The following LRRTM4 variants were observed in gnomAD, a reference collection of about 807,000 sequenced individuals.
The protein encoded by LRRTM4 is leucine-rich repeat transmembrane neuronal protein 4.
A neutral mutation model predicts 47.6 loss-of-function variants in LRRTM4; 25 were observed. The ratio of observed to expected loss-of-function variants is 0.53; its 90% confidence interval spans 0.38 to 0.73. The LOEUF (loss-of-function observed/expected upper bound fraction) is 0.73, where lower values mean the gene tolerates loss of function less well. LRRTM4 is among the 30% of genes least tolerant of loss of function. LRRTM4 has a pLI of 0.00. For missense variants in LRRTM4, 638 were observed against 713.4 expected, an observed-to-expected ratio of 0.89 and a Z score of 1.20; for synonymous variants, 311 against 269.5, an observed-to-expected ratio of 1.15 and a Z score of -1.51.
intron 3 of LRRTM4, among the ~76,000 whole-genome samples, chr2:77,411,446 T>C (rs542770313): frequency 2.8e-4 from 39 of 139,182 alleles, no homozygotes; most frequent in African/African-American, 4.6e-4. Flanking sequence ...CTCTCTCTCT[T>C]TCTTCTTTTT....
chr2:77,438,704 C>T (rs553470419), intron 3 of LRRTM4, among the ~76,000 whole-genome samples: 14 of 152,012 alleles, frequency 9.2e-5, no homozygotes, highest in African/African-American at 2.9e-4. Flanking sequence ...ACGTGCCCGG[C>T]GGATAATGAT....
chr2:77,244,821 A>T (rs1321149776), intron 3 of LRRTM4, among the ~76,000 whole-genome samples: 1 of 152,200 alleles, frequency 6.6e-6, no homozygotes, highest in Non-Finnish European at 1.5e-5. Flanking sequence ...CCACAGGCAG[A>T]GAACTAAGGG....
At chr2:76,780,046 T>G (rs1250364322) in intron 3 of LRRTM4, among the ~76,000 whole-genome samples, 1 of 152,204 alleles carries the variant, frequency 6.6e-6, no homozygotes. Flanking sequence ...GATATGCAAT[T>G]CTGGGTTGAA....
At chr2:76,855,172 A>G (rs1672111692) in intron 3 of LRRTM4, among the ~76,000 whole-genome samples, 1 of 152,214 alleles carries the variant, frequency 6.6e-6, no homozygotes, top group Admixed American at 6.5e-5. Context: ...ATCAGGAGCA[A>G]CGTTAGCAAG....
chr2:77,142,925 G>A (rs146339468), intron 3 of LRRTM4, among the ~76,000 whole-genome samples: 239 of 152,240 alleles, frequency 1.6e-3, no homozygotes, highest in Non-Finnish European at 2.4e-3. Context: ...AGCCATGTAT[G>A]AATCTAAGTT....
chr2:76,781,520 G>A (rs187243291), intron 3 of LRRTM4, among the ~76,000 whole-genome samples: 6 of 152,012 alleles, frequency 3.9e-5, no homozygotes, highest in Admixed American at 3.3e-4. Flanking sequence ...CGATTTTCCA[G>A]GTGCGGTGCA....
chr2:77,092,052 A>G (rs1216917918), intron 3 of LRRTM4, among the ~76,000 whole-genome samples: 1 of 152,022 alleles, frequency 6.6e-6, no homozygotes, highest in East Asian at 1.9e-4. Context: ...TAATACTTTT[A>G]AAGGCCCTCA....
intron 3 of LRRTM4, among the ~76,000 whole-genome samples, chr2:77,476,724 A>G (rs533420437): frequency 5.9e-5 from 9 of 152,124 alleles, no homozygotes; most frequent in Non-Finnish European, 1.3e-4. Context: ...ATTTATAGTA[A>G]TGGACCGAGT....
chr2:76,848,128 G>C (rs553075699), intron 3 of LRRTM4, among the ~76,000 whole-genome samples: 1 of 152,124 alleles, frequency 6.6e-6, no homozygotes. Context: ...TGTTTGGGTT[G>C]CGGAGTGAAG....
intron 3 of LRRTM4, among the ~76,000 whole-genome samples, chr2:77,190,921 T>C (rs1673652515): frequency 6.6e-6 from 1 of 152,190 alleles, no homozygotes; most frequent in Admixed American, 6.5e-5. Flanking sequence ...ATGGAACAAG[T>C]AATGTTCCTA....
At chr2:76,997,980 G>T (rs1180293537) in intron 3 of LRRTM4, among the ~76,000 whole-genome samples, 1 of 151,970 alleles carries the variant, frequency 6.6e-6, no homozygotes, top group Non-Finnish European at 1.5e-5. Context: ...ATCACCCCAA[G>T]ATGGGACTGT....
chr2:76,959,192 T>G (rs1349083808), intron 3 of LRRTM4, among the ~76,000 whole-genome samples: 1 of 151,732 alleles, frequency 6.6e-6, no homozygotes, highest in Non-Finnish European at 1.5e-5. Context: ...TCTATTAAAA[T>G]AGTCTTTAAG....
At chr2:76,796,384 A>G (rs1675327834) in intron 3 of LRRTM4, among the ~76,000 whole-genome samples, 1 of 130,256 alleles carries the variant, frequency 7.7e-6, no homozygotes, top group African/African-American at 3.0e-5. Flanking sequence ...AAACAAAAAG[A>G]CAGCAGTAAC....
intron 3 of LRRTM4, among the ~76,000 whole-genome samples, chr2:76,939,112 A>G (rs948750689): frequency 6.6e-5 from 10 of 151,892 alleles, no homozygotes; most frequent in African/African-American, 2.4e-4. Flanking sequence ...AGGTGGGAAT[A>G]ATACTTTTTA....
At position 77,412,413 on chromosome 2, in the gene LRRTM4, G is replaced by A. The variant is rs141143838; in HGVS notation, c.1551+105905C>T. On this transcript the variant is annotated intron_variant, in intron 3 of 3. Transcript: ENST00000409884. ...ACAATTGCATCTGTTCAGCCATCTA[G>A]CAAATATTCTGTATTTGCAAGCGTT... 3.9e-5 allele frequency among the ~76,000 whole-genome samples: 6 copies of A among 152,294 alleles called. No homozygotes were observed. The East Asian group carries it at 1.2e-3, about 29-fold the overall frequency.
intron 3 of LRRTM4, among the ~76,000 whole-genome samples, chr2:76,898,234 A>G (rs911998938): frequency 1.6e-4 from 24 of 152,220 alleles, no homozygotes; most frequent in African/African-American, 5.8e-4. Flanking sequence ...GCTTTGACAA[A>G]TTACTTCTTT....
chr2:77,450,978 T>G (rs1676233477), intron 3 of LRRTM4, among the ~76,000 whole-genome samples: 1 of 152,180 alleles, frequency 6.6e-6, no homozygotes, highest in East Asian at 1.9e-4. Flanking sequence ...TAAGTATAAC[T>G]TTCCAACTTA....
At chr2:77,507,476 C>T (rs1174122745) in intron 3 of LRRTM4, among the ~76,000 whole-genome samples, 3 of 152,028 alleles carry the variant, frequency 2.0e-5, no homozygotes, top group African/African-American at 7.2e-5. Flanking sequence ...GATTTTAAAT[C>T]ATCTCTTATC....
At chr2:77,296,436 T>C (rs995877855) in intron 3 of LRRTM4, among the ~76,000 whole-genome samples, 1 of 152,214 alleles carries the variant, frequency 6.6e-6, no homozygotes, top group Admixed American at 6.5e-5. Flanking sequence ...TAATAAGACA[T>C]ATTACAGCAT....
Sources: gnomAD v4.1 joint callset for allele counts (sites outside exome capture counted in the v4.1 genomes callset) on GRCh38, gnomAD v4.1.1 for gene constraint, MANE v1.5 for transcripts, NCBI Gene and HGNC (gene_info 2026-07-23, HGNC 2026-07-21) for gene names.